Variants in ERCC3 observed in about 807,000 individuals in gnomAD.
ERCC3 encodes the protein general transcription and DNA repair factor IIH helicase/translocase subunit XPB.
Under a neutral mutation model 94.2 loss-of-function variants are expected in ERCC3, and 66 were observed. That is an observed-to-expected ratio of 0.70 (90% CI 0.57 to 0.86). The LOEUF is 0.86. Ranked by LOEUF, ERCC3 falls within the 40% of genes least tolerant of loss-of-function variation. The pLI, the probability that ERCC3 is intolerant of heterozygous loss-of-function variation, is 0.00. For synonymous variants in ERCC3, 349 were observed against 369.1 expected, an observed-to-expected ratio of 0.95 and a Z score of 0.63; for missense variants, 829 against 987.1, an observed-to-expected ratio of 0.84 and a Z score of 2.15.
At position 127,271,905 on chromosome 2, in the gene ERCC3, G is replaced by A. The variant is rs1416761752; in HGVS notation, c.1828-452C>T. 6.6e-6 allele frequency among the ~76,000 whole-genome samples: 1 copy of A among 151,886 alleles called. No homozygotes were observed. The highest frequency in any genetic ancestry group is 2.4e-5 in the African/African-American group (1 of 41,352). The stretch of plus-strand genomic sequence containing the variant: ...CCCATATGGAATTCTGACTGTAGGT[G>A]GATTCCTCAGCTCTGGGGCTCCAAA... On this transcript the variant is annotated intron_variant, in intron 11 of 14. Transcript: ENST00000285398. The surrounding 1 kb of genome is among the most constrained non-coding windows in gnomAD (Gnocchi z 5.0).
intron 7 of ERCC3, among the ~76,000 whole-genome samples, chr2:127,287,356 G>A (rs1189611708): frequency 1.3e-5 from 2 of 152,110 alleles, no homozygotes; most frequent in Admixed American, 6.5e-5. Flanking sequence ...GAGCCACCAT[G>A]CCACGGTGGC....
At position 127,286,764 on chromosome 2, in the gene ERCC3, C is replaced by T. The variant is rs1175864176; in HGVS notation, c.1281G>A (p.Met427Ile). ...CCCACTCCTGGGTCTTGAGCCACTCCATGACTCGCTCGGCCTCCCAGGACC... is the reference window on the plus strand; with the variant it reads ...CCCACTCCTGGGTCTTGAGCCACTCTATGACTCGCTCGGCCTCCCAGGACC... Reference protein sequence around the residue: ...TKRSWEAERVMEWLKTQEWGL... With the variant: ...TKRSWEAERVIEWLKTQEWGL... The change falls in exon 8 of 15, where the codon ATG (methionine) becomes ATA (isoleucine). Residue 427 changes from methionine (M) to isoleucine (I), a missense_variant. By Grantham distance (10) the Met-to-Ile change is conservative. Transcript: ENST00000285398. The T allele has an allele frequency of 1.9e-6, 3 of 1,614,060 alleles. No individual in the cohort carries two copies. The highest frequency in any genetic ancestry group is 2.5e-6 in the Non-Finnish European group (3 of 1,180,038).
chr2:127,286,527 CAG>C (rs1341230662), intron 8 of ERCC3, among the ~76,000 whole-genome samples, 174 bp downstream of exon 8: 3 of 149,912 alleles, frequency 2.0e-5, no homozygotes, highest in African/African-American at 7.4e-5. Flanking sequence ...GCTTGGGTGA[CAG>C]AGTGAGACTC....
chr2:127,263,803 G>A (rs979770910), intron 12 of ERCC3, among the ~76,000 whole-genome samples: 7 of 151,684 alleles, frequency 4.6e-5, no homozygotes, highest in Non-Finnish European at 8.8e-5. Flanking sequence ...CGCCTCCCAG[G>A]TTCATGCCAT....
chr2:127,288,275 TCAAGAA>T (rs1685144529), intron 7 of ERCC3, among the ~76,000 whole-genome samples: 1 of 152,132 alleles, frequency 6.6e-6, no homozygotes, highest in Non-Finnish European at 1.5e-5. Context: ...TAAGGCTGAT[TCAAGAA>T]CAAGAACCTA....
At chr2:127,268,291 T>G (rs1237020249) in intron 12 of ERCC3, among the ~76,000 whole-genome samples, 1 of 151,856 alleles carries the variant, frequency 6.6e-6, no homozygotes, top group African/African-American at 2.4e-5. Flanking sequence ...CAGGATCTTG[T>G]TCTGTTGCCC....
At chr2:127,290,131 C>T in intron 4 of ERCC3, 93 bp downstream of exon 4, 1 of 1,040,334 alleles carries the variant, frequency 9.6e-7, no homozygotes, top group Non-Finnish European at 1.5e-6. Context: ...GAAAAGACAG[C>T]ATAAACATCA....
Position 127,284,704 on chromosome 2 carries a change from C to T in ERCC3, c.1342+1999G>A, listed in dbSNP as rs558013800. ...TCATCTTTATTTTTTTTTTTTGAGA[C>T]AGAGTCTCACACTCTGTCACCCATG... On this transcript the variant is annotated intron_variant, in intron 8 of 14. Transcript: ENST00000285398. This position sits in a 1 kb window ranked among gnomAD's most constrained non-coding sequence, Gnocchi z 4.1. Among the ~76,000 whole-genome samples, 2 of 149,424 alleles carry T rather than the reference C, an allele frequency of 1.3e-5. No homozygotes were observed. Among genetic ancestry groups the T allele is most frequent in the African/African-American group, 5.0e-5 (2 of 40,066 alleles).
chr2:127,281,786 C>CA (rs1447955072), intron 8 of ERCC3, among the ~76,000 whole-genome samples: 3 of 152,020 alleles, frequency 2.0e-5, no homozygotes, highest in Non-Finnish European at 4.4e-5. Context: ...CACACACACA[C>CA]AACACAGAAA....
In ERCC3 at chr2:127,287,547, T is replaced by C. The variant is rs570936761; in HGVS notation, c.1028-530A>G. Among the ~76,000 whole-genome samples the C allele has an allele frequency of 2.0e-5, 3 of 152,188 alleles. No homozygotes were observed. In the South Asian group the frequency reaches 6.2e-4, roughly 32 times the overall value. On this transcript the variant is annotated intron_variant, in intron 7 of 14. Transcript: ENST00000285398. ...CACTTGGGAGGCTGAGGCAGGAGAATATCTTGAACCCAGTAGGCGGAGGTT... is the reference window on the plus strand; with the variant it reads ...CACTTGGGAGGCTGAGGCAGGAGAACATCTTGAACCCAGTAGGCGGAGGTT...
At position 127,286,918 on chromosome 2, in the gene ERCC3, G is replaced by T. The variant is rs747613438; in HGVS notation, c.1127C>A (p.Ala376Asp). ...NSAVSVEQWK[A>D]QFKMWSTIDD... The stretch of plus-strand genomic sequence containing the variant: ...AATGGTGGACCACATCTTGAACTGG[G>T]CTTTCCACTGCTCCACAGAAACAGC... Residue 376 changes from alanine to aspartate, a missense_variant, in exon 8 of 15, where the codon GCC (alanine) becomes GAC (aspartate). Coordinates refer to ENST00000285398, the MANE Select transcript of ERCC3 (RefSeq NM_000122.2). The T allele has an allele frequency of 1.2e-6, 2 of 1,614,156 alleles. No homozygotes were observed. Among genetic ancestry groups the T allele is most frequent in the Non-Finnish European group, 8.5e-7 (1 of 1,179,994 alleles).
intron 12 of ERCC3, among the ~76,000 whole-genome samples, chr2:127,267,775 ACT>A (rs1305118999): frequency 1.3e-5 from 2 of 150,888 alleles, no homozygotes; most frequent in Admixed American, 1.3e-4. Context: ...AACTCTCAAG[ACT>A]CTCTTGTAGG....
intron 8 of ERCC3, among the ~76,000 whole-genome samples, chr2:127,282,206 G>A (rs1684937050): frequency 6.6e-6 from 1 of 152,144 alleles, no homozygotes; most frequent in Non-Finnish European, 1.5e-5. Flanking sequence ...TTCCTTGAGG[G>A]AAACACTCCT....
chr2:127,278,192 T>C (rs543070560), intron 10 of ERCC3, among the ~76,000 whole-genome samples: 4 of 151,462 alleles, frequency 2.6e-5, no homozygotes, highest in African/African-American at 4.9e-5. Context: ...GAGCCGTGAT[T>C]ACACCACTGC....
chr2:127,261,543 A>C (rs1573928372), intron 12 of ERCC3, 197 bp from the exon 13 acceptor site: 1 of 604,306 alleles, frequency 1.7e-6, no homozygotes, highest in South Asian at 1.8e-5. Context: ...CAAGTGAAAA[A>C]ACAATCCTCA....
chr2:127,286,634 T>G (rs1261807802), intron 8 of ERCC3, 69 bp downstream of exon 8: 1 of 1,498,062 alleles, frequency 6.7e-7, no homozygotes, highest in Non-Finnish European at 9.3e-7. Flanking sequence ...GCAGTCCCTT[T>G]CCCAACCTAA....
rs145450714 is a variant in ERCC3, at chr2:127,268,285, A to G, written c.1945+3051T>C. On this transcript the variant is annotated intron_variant, in intron 12 of 14. Transcript: ENST00000285398. ...TTTGTTTGTTTTTGTTTTAAACAGGATCTTGTTCTGTTGCCCAAGGTGGAA... is the reference window on the plus strand; with the variant it reads ...TTTGTTTGTTTTTGTTTTAAACAGGGTCTTGTTCTGTTGCCCAAGGTGGAA... Among the ~76,000 whole-genome samples the G allele has an allele frequency of 2.3e-3, 353 of 151,680 alleles. 1 individual carries two copies. Among genetic ancestry groups the G allele is most frequent in the African/African-American group, 7.7e-3 (320 of 41,302 alleles).
At position 127,290,810 on chromosome 2, in the gene ERCC3, G is replaced by A. The variant is rs373020563; in HGVS notation, c.472-537C>T. ...AAAATTTGCCACTCAGGCCAGGCAC[G>A]GTGGCTCACACCTGTAATCCTAGCA... On this transcript the variant is annotated intron_variant, in intron 3 of 14. Transcript: ENST00000285398. 1.9e-3 allele frequency: 334 copies of A among 178,602 alleles called. 3 individuals carry two copies. Among genetic ancestry groups the A allele is most frequent in the African/African-American group, 7.7e-3 (322 of 41,970 alleles). 11.1% of individuals were successfully genotyped at this position (178,602 alleles called of 1,614,324 possible).
chr2:127,257,567 G>C lies in ERCC3; in HGVS notation c.*29C>G. The C allele has an allele frequency of 6.2e-7, 1 of 1,612,822 alleles. No individual in the cohort carries two copies. Among genetic ancestry groups the C allele is most frequent in the Non-Finnish European group, 8.5e-7 (1 of 1,179,868 alleles). On this transcript the variant is annotated 3_prime_UTR_variant, in exon 15 of 15. Transcript: ENST00000285398. This position sits in a 1 kb window ranked among gnomAD's most constrained non-coding sequence, Gnocchi z 5.4. ...CTTTCCAACAAGGGTGCCAAGCGCC[G>C]GTCTTGAACGAAGTACCCTGCCTAA...
Sources: allele counts gnomAD v4.1 joint callset (sites outside exome capture counted in the v4.1 genomes callset), GRCh38; gene constraint gnomAD v4.1.1; non-coding constraint Gnocchi (gnomAD v3.1); transcripts MANE v1.5; gene names NCBI Gene and HGNC (gene_info 2026-07-23, HGNC 2026-07-21).